SNX8: variants seen among roughly 807,000 people sequenced by gnomAD.
SNX8 encodes the protein sorting nexin-8.
SNX8 carries 25 observed loss-of-function variants against 51.6 expected under a neutral mutation model. The observed-to-expected ratio is 0.48, with a 90% CI of 0.35 to 0.68. The LOEUF (loss-of-function observed/expected upper bound fraction) is 0.68. Ranked by LOEUF, SNX8 falls within the 30% of genes least tolerant of loss-of-function variation. The pLI, the probability that SNX8 is intolerant of heterozygous loss-of-function variation, is 0.00. For synonymous variants in SNX8, 324 were observed against 277.0 expected (o/e 1.17, Z -1.68); for missense variants, 695 against 624.0 (o/e 1.11, Z -1.21).
At chr7:2,278,459 T>C (rs1795835323) in intron 1 of SNX8, among the ~76,000 whole-genome samples, 154 bp from the exon 2 acceptor site, 1 of 152,144 alleles carries the variant, frequency 6.6e-6, no homozygotes, top group South Asian at 2.1e-4. Flanking sequence ...GCCTAGGTAA[T>C]ATGGTGAGAC....
At chr7:2,279,632 T>C (rs1225179083) in intron 1 of SNX8, among the ~76,000 whole-genome samples, 1 of 151,752 alleles carries the variant, frequency 6.6e-6, no homozygotes, top group Non-Finnish European at 1.5e-5. Context: ...ACTGGCTAAT[T>C]TTGCAGTCCC....
chr7:2,327,864 C>T (rs1490597724), intron 1 of SNX8, among the ~76,000 whole-genome samples: 1 of 151,330 alleles, frequency 6.6e-6, no homozygotes, highest in Non-Finnish European at 1.5e-5. Flanking sequence ...TTTCTTATTT[C>T]CTTTTTTTTT....
chr7:2,316,593 C>CCACT (rs60089170), upstream of SNX8, among the ~76,000 whole-genome samples: 8 of 130,250 alleles, frequency 6.1e-5, no homozygotes, highest in African/African-American at 2.3e-4. Context: ...ATTCATTCAC[C>CCACT]CACTCACTCA....
intron 1 of SNX8, among the ~76,000 whole-genome samples, chr7:2,311,456 C>G (rs993963391): frequency 6.6e-6 from 1 of 152,104 alleles, no homozygotes; most frequent in Non-Finnish European, 1.5e-5. Context: ...CGCCTGGGCT[C>G]GGGCGATCCT....
intron 1 of SNX8, chr7:2,309,712 C>G (rs1015391219): frequency 2.2e-6 from 1 of 449,786 alleles, no homozygotes; most frequent in African/African-American, 2.1e-5. Context: ...GCCTGGACAA[C>G]AAGAGCGAGA....
At chr7:2,329,014 A>T (rs1037009265) in intron 1 of SNX8, among the ~76,000 whole-genome samples, 1 of 151,728 alleles carries the variant, frequency 6.6e-6, no homozygotes, top group Non-Finnish European at 1.5e-5. Context: ...TGAACCCGGG[A>T]GGCAGAGCTT....
intron 1 of SNX8, among the ~76,000 whole-genome samples, chr7:2,339,882 G>A (rs1289395828): frequency 6.6e-6 from 1 of 152,082 alleles, no homozygotes; most frequent in Non-Finnish European, 1.5e-5. Context: ...TTTTCTGCAC[G>A]TGGTAGATAA....
At chr7:2,303,245 C>G (rs1388968675) in intron 1 of SNX8, among the ~76,000 whole-genome samples, 93 of 145,414 alleles carry the variant, frequency 6.4e-4, no homozygotes, top group Admixed American at 6.2e-3. Flanking sequence ...GGGGGTCAGC[C>G]CCCCGCCCGG....
At chr7:2,320,279 TG>T (rs1292448509) in intron 1 of SNX8, among the ~76,000 whole-genome samples, 1 of 151,756 alleles carries the variant, frequency 6.6e-6, no homozygotes, top group African/African-American at 2.4e-5. Flanking sequence ...TGCTTGAACC[TG>T]GGAGGCGGAG....
At chr7:2,301,814 C>G (rs1292087497) in intron 1 of SNX8, among the ~76,000 whole-genome samples, 1 of 152,196 alleles carries the variant, frequency 6.6e-6, no homozygotes, top group Admixed American at 6.6e-5. Flanking sequence ...GTTCTGTCTC[C>G]TAACTCATTA....
chr7:2,351,217 G>C (rs1779132714), intron 1 of SNX8, among the ~76,000 whole-genome samples: 1 of 152,182 alleles, frequency 6.6e-6, no homozygotes, highest in Non-Finnish European at 1.5e-5. Context: ...GCCAGGGTTG[G>C]TGCGGTGCCT....
chr7:2,291,603 G>C (rs948887054), intron 1 of SNX8, among the ~76,000 whole-genome samples: 1 of 133,632 alleles, frequency 7.5e-6, no homozygotes, highest in Non-Finnish European at 1.6e-5. Context: ...GTCTCAAAAA[G>C]AAAAAAGAAA....
intron 1 of SNX8, among the ~76,000 whole-genome samples, chr7:2,325,297 CGCCAGCG>C (rs1778602698): frequency 6.6e-6 from 1 of 152,078 alleles, no homozygotes; most frequent in Non-Finnish European, 1.5e-5. Context: ...TGCACCATCA[CGCCAGCG>C]GCAGTGGAAA....
intron 1 of SNX8, among the ~76,000 whole-genome samples, chr7:2,297,224 ACTGGG>A (rs1216240933): frequency 6.6e-6 from 1 of 151,866 alleles, no homozygotes; most frequent in Non-Finnish European, 1.5e-5. Flanking sequence ...TAGTCCCACT[ACTGGG>A]TAATCACCCA....
intron 1 of SNX8, among the ~76,000 whole-genome samples, chr7:2,297,055 GC>G (rs1796288792): frequency 6.6e-6 from 1 of 151,972 alleles, no homozygotes. Context: ...AGCCAGAATG[GC>G]TATTATTAAA....
chr7:2,275,759 G>C (rs546945669), intron 2 of SNX8, among the ~76,000 whole-genome samples: 2 of 152,212 alleles, frequency 1.3e-5, no homozygotes, highest in South Asian at 4.1e-4. Flanking sequence ...AGCACTTTGG[G>C]AGGCCGAGAC....
At chr7:2,311,493 G>C (rs1017965601) in intron 1 of SNX8, among the ~76,000 whole-genome samples, 7 of 152,144 alleles carry the variant, frequency 4.6e-5, no homozygotes, top group Non-Finnish European at 7.3e-5. Flanking sequence ...CAAGTGCTGT[G>C]ATTTCAGACG....
At chr7:2,306,021 T>G (rs1454756175) in intron 1 of SNX8, among the ~76,000 whole-genome samples, 1 of 152,218 alleles carries the variant, frequency 6.6e-6, no homozygotes, top group East Asian at 1.9e-4. Flanking sequence ...ACCAGCCTAA[T>G]TGGTACGGCA....
At chr7:2,284,356 A>C (rs1222330583) in intron 1 of SNX8, among the ~76,000 whole-genome samples, 1 of 150,156 alleles carries the variant, frequency 6.7e-6, no homozygotes, top group Non-Finnish European at 1.5e-5. Context: ...CCCCCGAAGT[A>C]GAATGGAAAT....
Sources: gnomAD v4.1 joint callset for allele counts (sites outside exome capture counted in the v4.1 genomes callset) on GRCh38, gnomAD v4.1.1 for gene constraint, MANE v1.5 for transcripts, NCBI Gene and HGNC (gene_info 2026-07-23, HGNC 2026-07-21) for gene names.